The following USP15 variants were observed in gnomAD, a reference collection of about 807,000 sequenced individuals.
USP15 encodes ubiquitin carboxyl-terminal hydrolase 15.
Under a neutral mutation model 127.1 loss-of-function variants are expected in USP15, and 18 were observed. The ratio of observed to expected loss-of-function variants is 0.14; its 90% CI spans 0.10 to 0.21. The LOEUF (loss-of-function observed/expected upper bound fraction) is 0.21. Ranked by LOEUF, USP15 falls within the 10% of genes least tolerant of loss-of-function variation. The pLI is 1.00. For missense variants in USP15, 805 were observed against 1,159.9 expected (o/e 0.69, Z 4.44); for synonymous variants, 364 against 393.7 (o/e 0.92, Z 0.89).
intron 1 of USP15, among the ~76,000 whole-genome samples, chr12:62,265,020 C>G (rs2063160281): frequency 6.6e-6 from 1 of 152,050 alleles, no homozygotes; most frequent in Admixed American, 6.5e-5. Flanking sequence ...GCTTAAAAAT[C>G]TAGGAAAGCA....
At chr12:62,359,706 A>G (rs574615594) in intron 8 of USP15, among the ~76,000 whole-genome samples, 29 of 152,208 alleles carry the variant, frequency 1.9e-4, no homozygotes, top group Admixed American at 1.8e-3. Context: ...AATGGTATTT[A>G]TCAACCCTTT....
At chr12:62,394,134 G>A (rs984172890) in intron 19 of USP15, among the ~76,000 whole-genome samples, 1 of 152,000 alleles carries the variant, frequency 6.6e-6, no homozygotes, top group South Asian at 2.1e-4. Flanking sequence ...TTCTTCCCCT[G>A]CTTTTAACAG....
At chr12:62,302,980 TATTA>T (rs751867998) in intron 3 of USP15, 60 bp downstream of exon 3, 5 of 1,538,890 alleles carry the variant, frequency 3.2e-6, no homozygotes, top group African/African-American at 2.8e-5. Context: ...CACATTTTAT[TATTA>T]ATTCAATGAA....
chr12:62,366,247 C>T (rs2066474162), intron 8 of USP15, among the ~76,000 whole-genome samples: 3 of 152,270 alleles, frequency 2.0e-5, no homozygotes, highest in East Asian at 3.9e-4. Flanking sequence ...TTGTAGTTCT[C>T]CTTGAAGAGG....
chr12:62,390,808 T>G, intron 14 of USP15, 56 bp from the exon 15 acceptor site: 1 of 1,339,140 alleles, frequency 7.5e-7, no homozygotes, highest in Non-Finnish European at 1.0e-6. Context: ...GGAAAACTTT[T>G]TAAAAGTTTT....
intron 1 of USP15, chr12:62,267,307 A>G (rs1224283285): frequency 6.6e-6 from 1 of 152,188 alleles, no homozygotes; most frequent in African/African-American, 2.4e-5. Flanking sequence ...AAAAGTCACT[A>G]TTCAAGAAAT....
intron 1 of USP15, among the ~76,000 whole-genome samples, chr12:62,286,736 G>A (rs569855710): frequency 6.6e-6 from 1 of 152,122 alleles, no homozygotes; most frequent in African/African-American, 2.4e-5. Flanking sequence ...TCAGGAGTTC[G>A]AGACCAGCCT....
At chr12:62,374,123 T>G in intron 8 of USP15, among the ~76,000 whole-genome samples, 1 of 151,902 alleles carries the variant, frequency 6.6e-6, no homozygotes. Context: ...AACCTTAAAA[T>G]CCAGAAAAAA....
intron 4 of USP15, among the ~76,000 whole-genome samples, chr12:62,317,137 T>C (rs1034582002): frequency 1.3e-4 from 20 of 152,172 alleles, no homozygotes; most frequent in Non-Finnish European, 2.9e-4. Context: ...TTTCTTACTA[T>C]AGCTCTTAGT....
chr12:62,332,257 T>C (rs1330397636), intron 6 of USP15, among the ~76,000 whole-genome samples: 1 of 152,156 alleles, frequency 6.6e-6, no homozygotes, highest in Non-Finnish European at 1.5e-5. Flanking sequence ...TCATGCTGCA[T>C]TTTTAACACT....
In USP15 at chr12:62,348,896, T is replaced by C. The variant is rs116836914; in HGVS notation, c.684-325T>C. On this transcript the variant is annotated intron_variant, in intron 6 of 21. Coordinates refer to ENST00000280377, the MANE Select transcript of USP15 (RefSeq NM_001252078.2). ...AGTAGAATAGTTTAATTCCATTGACTGATGGAAATTGATCGTAAAATGTTA... is the reference window on the plus strand; with the variant it reads ...AGTAGAATAGTTTAATTCCATTGACCGATGGAAATTGATCGTAAAATGTTA... Among the ~76,000 whole-genome samples the C allele has an allele frequency of 7.0e-3, 1,065 of 152,276 alleles. 9 individuals carry two copies. The highest frequency in any genetic ancestry group is 0.023 in the African/African-American group (971 of 41,572).
At chr12:62,269,839 C>A (rs556332172) in intron 1 of USP15, among the ~76,000 whole-genome samples, 66 of 152,064 alleles carry the variant, frequency 4.3e-4, no homozygotes, top group African/African-American at 1.5e-3. Context: ...TTTGAATTTC[C>A]AATTTTTGCC....
intron 8 of USP15, among the ~76,000 whole-genome samples, chr12:62,376,770 G>A (rs1025351368): frequency 7.9e-5 from 12 of 152,148 alleles, no homozygotes; most frequent in Admixed American, 6.5e-4. Context: ...TTGAGAGTAA[G>A]AGATATTCAC....
intron 8 of USP15, among the ~76,000 whole-genome samples, chr12:62,373,372 C>G (rs547387916): frequency 2.0e-5 from 3 of 152,040 alleles, no homozygotes; most frequent in African/African-American, 7.2e-5. Context: ...CTTCCTAGAA[C>G]TTTGATAATT....
chr12:62,403,349 A>G (rs2067754056), intron 21 of USP15, among the ~76,000 whole-genome samples: 1 of 152,100 alleles, frequency 6.6e-6, no homozygotes. Flanking sequence ...AGAAGAAACC[A>G]AAGAGATAGT....
intron 4 of USP15, 24 bp downstream of exon 4, chr12:62,314,940 T>C: frequency 6.5e-7 from 1 of 1,540,700 alleles, no homozygotes; most frequent in Non-Finnish European, 8.7e-7. Context: ...CTGTCTTGTT[T>C]TTAATCCATT....
At chr12:62,296,198 A>G (rs1022492107) in intron 2 of USP15, among the ~76,000 whole-genome samples, 2 of 152,182 alleles carry the variant, frequency 1.3e-5, no homozygotes, top group Non-Finnish European at 2.9e-5. Context: ...CAACAACTGA[A>G]TGGGCTTGGA....
chr12:62,376,360 C>A (rs1366760414), intron 8 of USP15, among the ~76,000 whole-genome samples: 1 of 151,872 alleles, frequency 6.6e-6, no homozygotes, highest in African/African-American at 2.4e-5. Flanking sequence ...TATTTAAATT[C>A]TACCCAATTT....
Position 62,396,292 on chromosome 12 carries a change from C to T in USP15, c.2571-3C>T. On this transcript the variant is annotated splice_region_variant and splice_polypyrimidine_tract_variant and intron_variant, in intron 19 of 21. Coordinates refer to ENST00000280377, the MANE Select transcript of USP15 (RefSeq NM_001252078.2). ...AAATTAACTTGGTTTCTTTTTTAAA[C>T]AGTGACTTGGATATGTCGGAATTCT... 6.4e-7 allele frequency: 1 copy of T among 1,560,886 alleles called. No homozygotes were observed. The highest frequency in any genetic ancestry group is 1.2e-5 in the South Asian group (1 of 83,420).
Sources: gnomAD v4.1 joint callset for allele counts (sites outside exome capture counted in the v4.1 genomes callset) on GRCh38, gnomAD v4.1.1 for gene constraint, MANE v1.5 for transcripts, NCBI Gene and HGNC (gene_info 2026-07-23, HGNC 2026-07-21) for gene names.